TMTC2: variants seen among roughly 807,000 people sequenced by gnomAD.
TMTC2 encodes protein O-mannosyl-transferase TMTC2.
A neutral mutation model predicts 82.4 loss-of-function variants in TMTC2; 43 were observed. The observed-to-expected ratio is 0.52, with a 90% CI of 0.41 to 0.67. TMTC2 has a LOEUF of 0.67. Ranked by LOEUF, TMTC2 falls within the 30% of genes least tolerant of loss-of-function variation. The pLI is 0.00. For missense variants in TMTC2, 919 were observed against 1,012.4 expected (o/e 0.91, Z 1.25); for synonymous variants, 408 against 381.9 (o/e 1.07, Z -0.80).
intron 1 of TMTC2, among the ~76,000 whole-genome samples, chr12:82,697,517 T>C (rs1872869710): frequency 6.6e-6 from 1 of 152,166 alleles, no homozygotes; most frequent in South Asian, 2.1e-4. Context: ...GTATAAGGTG[T>C]GCTTGTTATG....
At chr12:82,766,690 C>T (rs1876980225) in intron 1 of TMTC2, among the ~76,000 whole-genome samples, 1 of 152,222 alleles carries the variant, frequency 6.6e-6, no homozygotes, top group Admixed American at 6.5e-5. Flanking sequence ...TATACCATGT[C>T]AGTCTCCTTG....
intron 2 of TMTC2, among the ~76,000 whole-genome samples, chr12:82,868,956 A>G (rs1872024270): frequency 6.6e-6 from 1 of 152,122 alleles, no homozygotes; most frequent in African/African-American, 2.4e-5. Flanking sequence ...AAAATATTTC[A>G]TGAACTATTT....
At chr12:82,816,414 A>ATGGAG (rs1868726582) in intron 1 of TMTC2, among the ~76,000 whole-genome samples, 2 of 152,056 alleles carry the variant, frequency 1.3e-5, no homozygotes, top group African/African-American at 2.4e-5. Flanking sequence ...GGCTCCGTTA[A>ATGGAG]CACTTGTTAA....
chr12:82,701,999 T>G (rs1873107325), intron 1 of TMTC2, among the ~76,000 whole-genome samples: 1 of 152,168 alleles, frequency 6.6e-6, no homozygotes, highest in South Asian at 2.1e-4. Flanking sequence ...GCTTTCTCTT[T>G]AAAGTCAATG....
At position 82,923,439 on chromosome 12, in the gene TMTC2, T is replaced by C. The variant is rs531220208; in HGVS notation, c.1484-6992T>C. Among the ~76,000 whole-genome samples, 12 of 152,290 alleles carry C rather than the reference T, an allele frequency of 7.9e-5. No homozygotes were observed. The South Asian group carries it at 2.1e-3, about 26-fold the overall frequency. On this transcript the variant is annotated intron_variant, in intron 3 of 11. Coordinates refer to ENST00000321196, the MANE Select transcript of TMTC2 (RefSeq NM_152588.3). ...TGAAATATCTTCTCCCAGTATATTA[T>C]ACATTTAACTTGTTCATAATGTTCT...
intron 3 of TMTC2, among the ~76,000 whole-genome samples, chr12:82,910,004 GTTCC>G (rs745996966): frequency 2.6e-5 from 4 of 152,256 alleles, no homozygotes; most frequent in African/African-American, 7.2e-5. Flanking sequence ...GGTAAAATAT[GTTCC>G]TTCCTTTCTG....
intron 9 of TMTC2, among the ~76,000 whole-genome samples, chr12:83,038,144 G>C (rs113585472): frequency 8.5e-6 from 1 of 117,822 alleles, no homozygotes; most frequent in African/African-American, 3.2e-5. Context: ...CTGTGGGGTG[G>C]GGGGAGGGGG....
intron 1 of TMTC2, among the ~76,000 whole-genome samples, chr12:82,765,286 A>C (rs1279601498): frequency 6.6e-6 from 1 of 152,164 alleles, no homozygotes; most frequent in East Asian, 1.9e-4. Flanking sequence ...TCCATTCAAT[A>C]AATATGTATC....
intron 11 of TMTC2, among the ~76,000 whole-genome samples, chr12:83,067,801 T>G (rs1882971587): frequency 6.6e-6 from 1 of 152,104 alleles, no homozygotes; most frequent in African/African-American, 2.4e-5. Flanking sequence ...CTCAGCTCTC[T>G]GATTTATATG....
At chr12:82,706,714 T>C (rs1005287428) in intron 1 of TMTC2, among the ~76,000 whole-genome samples, 3 of 152,168 alleles carry the variant, frequency 2.0e-5, no homozygotes, top group Non-Finnish European at 4.4e-5. Context: ...AAAACTTGAC[T>C]TTACTTGGTA....
In TMTC2 at chr12:82,940,953, A is replaced by G. The variant is rs182720981; in HGVS notation, c.1598+10408A>G. Among the ~76,000 whole-genome samples the G allele has an allele frequency of 3.6e-3, 548 of 152,176 alleles. 8 individuals are homozygous for G. Among genetic ancestry groups the G allele is most frequent in the African/African-American group, 0.013 (534 of 41,536 alleles). ...AGTATCACAAATGTTAACATGACCC[A>G]GATTATAAAGAGCCAAGTATTTATG... On this transcript the variant is annotated intron_variant, in intron 4 of 11. Transcript: ENST00000321196.
intron 1 of TMTC2, among the ~76,000 whole-genome samples, chr12:82,763,594 G>A (rs537614779): frequency 6.6e-6 from 1 of 152,136 alleles, no homozygotes; most frequent in African/African-American, 2.4e-5. Flanking sequence ...TATGTCAAAG[G>A]CTTTTCAAGT....
chr12:82,771,068 A>G (rs1877280387), intron 1 of TMTC2, among the ~76,000 whole-genome samples: 1 of 152,032 alleles, frequency 6.6e-6, no homozygotes. Context: ...TTAGCCAGGC[A>G]TGGTGGCACT....
At chr12:82,917,859 C>T (rs1875106592) in intron 3 of TMTC2, among the ~76,000 whole-genome samples, 1 of 150,394 alleles carries the variant, frequency 6.6e-6, no homozygotes, top group African/African-American at 2.5e-5. Context: ...GCCTTGGCCT[C>T]CCAAGTGCTG....
intron 2 of TMTC2, among the ~76,000 whole-genome samples, chr12:82,883,629 A>G (rs1173112277): frequency 6.6e-6 from 1 of 152,216 alleles, no homozygotes; most frequent in Non-Finnish European, 1.5e-5. Flanking sequence ...GGTTTGTCGC[A>G]CTAAAGCCAC....
chr12:82,693,033 T>TA (rs1205034465), intron 1 of TMTC2, among the ~76,000 whole-genome samples: 1 of 152,226 alleles, frequency 6.6e-6, no homozygotes, highest in African/African-American at 2.4e-5. Context: ...TTTGTATATG[T>TA]AGTGCATAGT....
At chr12:82,946,531 C>T (rs749286277) in intron 4 of TMTC2, among the ~76,000 whole-genome samples, 1 of 152,098 alleles carries the variant, frequency 6.6e-6, no homozygotes, top group African/African-American at 2.4e-5. Context: ...TTTCATTTTG[C>T]ACTTAGCGAC....
chr12:82,932,143 C>T (rs1014935514), intron 4 of TMTC2, among the ~76,000 whole-genome samples: 1 of 152,006 alleles, frequency 6.6e-6, no homozygotes, highest in African/African-American at 2.4e-5. Context: ...GGCACAGATA[C>T]TTAAAAAAAT....
intron 8 of TMTC2, among the ~76,000 whole-genome samples, chr12:82,994,601 T>A (rs962784782): frequency 6.6e-6 from 1 of 151,398 alleles, no homozygotes; most frequent in Non-Finnish European, 1.5e-5. Context: ...ACATGCTTTT[T>A]AAATATAGCT....
Sources: gnomAD v4.1 joint callset for allele counts (sites outside exome capture counted in the v4.1 genomes callset) on GRCh38, gnomAD v4.1.1 for gene constraint, MANE v1.5 for transcripts, NCBI Gene and HGNC (gene_info 2026-07-23, HGNC 2026-07-21) for gene names.